The following RBFOX1 variants were observed in gnomAD, a reference collection of about 807,000 sequenced individuals.
The protein encoded by RBFOX1 is RNA binding protein fox-1 homolog 1.
RBFOX1 carries 8 observed loss-of-function variants against 57.7 expected under a neutral mutation model. That is an observed-to-expected ratio of 0.14 (90% confidence interval 0.08 to 0.25). The LOEUF (loss-of-function observed/expected upper bound fraction) is 0.25. RBFOX1 is among the 10% of genes least tolerant of loss of function. RBFOX1 has a pLI of 1.00. For synonymous variants in RBFOX1, 326 were observed against 222.4 expected, an observed-to-expected ratio of 1.47 and a Z score of -4.15; for missense variants, 611 against 548.5, an observed-to-expected ratio of 1.11 and a Z score of -1.14.
chr16:6,654,880 TGTG>T (rs557309117), intron 3 of RBFOX1, among the ~76,000 whole-genome samples: 37 of 117,630 alleles, frequency 3.1e-4, no homozygotes, highest in Non-Finnish European at 4.7e-4. Context: ...TTACAAAAAA[TGTG>T]GTGCTGATTT....
At chr16:6,143,275 T>G (rs1044342386) in intron 1 of RBFOX1, among the ~76,000 whole-genome samples, 5 of 152,374 alleles carry the variant, frequency 3.3e-5, no homozygotes, top group African/African-American at 9.6e-5. Context: ...AGCTGAGTTT[T>G]CTGTACATGA....
intron 1 of RBFOX1, among the ~76,000 whole-genome samples, chr16:6,039,189 C>T (rs1204621189): frequency 1.3e-5 from 2 of 151,798 alleles, no homozygotes; most frequent in Non-Finnish European, 2.9e-5. Flanking sequence ...TTCCACTTCC[C>T]TGGAAGCCTG....
chr16:5,436,220 GC>G (rs2067914067), intron 1 of RBFOX1, among the ~76,000 whole-genome samples: 1 of 152,168 alleles, frequency 6.6e-6, no homozygotes, highest in Non-Finnish European at 1.5e-5. Context: ...TCAAAAGGGG[GC>G]TCGTGACTCA....
intron 1 of RBFOX1, among the ~76,000 whole-genome samples, chr16:5,300,916 C>T (rs548329749): frequency 1.3e-5 from 2 of 152,284 alleles, no homozygotes; most frequent in South Asian, 4.2e-4. Context: ...GTGTTTCTTT[C>T]TGTCTGCCTG....
intron 4 of RBFOX1, among the ~76,000 whole-genome samples, chr16:7,075,374 C>G (rs1187940014): frequency 6.6e-6 from 1 of 152,186 alleles, no homozygotes; most frequent in East Asian, 1.9e-4. Context: ...CAAAAACTTT[C>G]AGTTGCTGTG....
chr16:6,896,710 C>A (rs1014887513), intron 3 of RBFOX1, among the ~76,000 whole-genome samples: 11 of 152,124 alleles, frequency 7.2e-5, no homozygotes, highest in Non-Finnish European at 1.5e-4. Flanking sequence ...TAGAAAAGTG[C>A]CCGGTAAATT....
intron 3 of RBFOX1, among the ~76,000 whole-genome samples, chr16:6,842,980 G>A (rs773108902): frequency 2.6e-5 from 4 of 152,084 alleles, no homozygotes; most frequent in Non-Finnish European, 5.9e-5. Context: ...GTTCATCCAT[G>A]TCCTTGCAAA....
intron 3 of RBFOX1, among the ~76,000 whole-genome samples, chr16:7,050,376 C>A (rs887424767): frequency 6.6e-6 from 1 of 151,216 alleles, no homozygotes; most frequent in East Asian, 2.0e-4. Context: ...AGTGATTCTC[C>A]TGCTTCAGCC....
chr16:6,000,414 T>G (rs531138697), intron 4 of RBFOX1, among the ~76,000 whole-genome samples: 62 of 152,260 alleles, frequency 4.1e-4, no homozygotes, highest in Middle Eastern at 3.4e-3. Context: ...GGCGTTTCCT[T>G]TGCCAGAATT....
intron 3 of RBFOX1, among the ~76,000 whole-genome samples, chr16:6,848,614 T>C (rs2141859726): frequency 6.6e-6 from 1 of 151,764 alleles, no homozygotes; most frequent in South Asian, 2.1e-4. Flanking sequence ...GATGTATGTG[T>C]ATGTGTGTAG....
At chr16:7,027,093 TCCTGAACC>T (rs958753437) in intron 3 of RBFOX1, among the ~76,000 whole-genome samples, 6 of 152,082 alleles carry the variant, frequency 3.9e-5, no homozygotes, top group African/African-American at 1.4e-4. Context: ...GGAGGCTCTT[TCCTGAACC>T]CGTCTCTCCT....
intron 3 of RBFOX1, among the ~76,000 whole-genome samples, chr16:6,789,541 T>G (rs779424183): frequency 6.6e-5 from 10 of 152,216 alleles, no homozygotes; most frequent in Non-Finnish European, 1.3e-4. Flanking sequence ...TTAAGCAAAT[T>G]ATTGCACTCA....
At chr16:6,541,405 C>T (rs966710790) in intron 2 of RBFOX1, among the ~76,000 whole-genome samples, 1 of 152,208 alleles carries the variant, frequency 6.6e-6, no homozygotes, top group African/African-American at 2.4e-5. Context: ...GTGAGCAGCA[C>T]TGGACAGTTC....
At chr16:7,211,913 C>T (rs938097823) in intron 4 of RBFOX1, among the ~76,000 whole-genome samples, 1 of 152,160 alleles carries the variant, frequency 6.6e-6, no homozygotes, top group Admixed American at 6.5e-5. Flanking sequence ...GGGAAGCCAG[C>T]TACCCACAGG....
intron 4 of RBFOX1, among the ~76,000 whole-genome samples, chr16:7,295,224 T>A (rs1024192135): frequency 2.0e-5 from 3 of 152,134 alleles, no homozygotes; most frequent in Non-Finnish European, 4.4e-5. Context: ...GGCAGAAAGG[T>A]GATGTGTATG....
intron 3 of RBFOX1, among the ~76,000 whole-genome samples, chr16:6,830,183 C>T (rs901230787): frequency 6.6e-6 from 1 of 152,158 alleles, no homozygotes; most frequent in East Asian, 1.9e-4. Flanking sequence ...TCCCAAAGTG[C>T]TGGGATTACA....
At chr16:5,551,835 C>T (rs1404872145) in intron 2 of RBFOX1, among the ~76,000 whole-genome samples, 1 of 151,656 alleles carries the variant, frequency 6.6e-6, no homozygotes, top group East Asian at 1.9e-4. Context: ...GTTCCCCTCC[C>T]TGTGTCCATG....
intron 3 of RBFOX1, among the ~76,000 whole-genome samples, chr16:6,866,539 C>CTTTTTTT (rs1161474639): frequency 4.1e-5 from 2 of 49,088 alleles, no homozygotes; most frequent in Admixed American, 2.2e-4. Flanking sequence ...TTCTTTCCTT[C>CTTTTTTT]TATTTTTTTT....
At chr16:7,616,503 C>T (rs1258133924) in intron 10 of RBFOX1, among the ~76,000 whole-genome samples, 1 of 152,216 alleles carries the variant, frequency 6.6e-6, no homozygotes, top group African/African-American at 2.4e-5. Flanking sequence ...TAAATAGTTA[C>T]CATAAACAAT....
Sources: gnomAD v4.1 joint callset for allele counts (sites outside exome capture counted in the v4.1 genomes callset) on GRCh38, gnomAD v4.1.1 for gene constraint, MANE v1.5 for transcripts, NCBI Gene and HGNC (gene_info 2026-07-23, HGNC 2026-07-21) for gene names.